Variants in POU6F2 observed in about 807,000 individuals in gnomAD.
POU6F2 encodes POU class 6 homeobox 2.
A neutral mutation model predicts 71.3 loss-of-function variants in POU6F2; 31 were observed. The observed-to-expected ratio is 0.43, with a 90% CI of 0.33 to 0.59. The LOEUF is 0.59. Among genes scored for constraint, POU6F2 ranks in the 20% least tolerant of loss-of-function variants. The pLI, the probability that POU6F2 is intolerant of heterozygous loss-of-function variation, is 0.04. For synonymous variants in POU6F2, 347 were observed against 355.7 expected (o/e 0.98, Z 0.27); for missense variants, 783 against 856.8 (o/e 0.91, Z 1.07).
rs372930893 is a variant in POU6F2, at chr7:39,242,545, T to G, written c.598+34925T>G. ...AAGTGTCTAAAAAGAAAGGCTTTTT[T>G]GGGGGGGGTCATGATATGGTAAAAT... is the stretch of plus-strand genomic sequence containing the variant. On this transcript the variant is annotated intron_variant, in intron 4 of 9. Transcript: ENST00000518318. Among the ~76,000 whole-genome samples, 431 of 151,674 alleles carry G rather than the reference T, an allele frequency of 2.8e-3. 1 individual carries two copies. The highest frequency in any genetic ancestry group is 9.6e-3 in the African/African-American group (396 of 41,354).
At chr7:39,084,198 G>A (rs763817215) in intron 1 of POU6F2, among the ~76,000 whole-genome samples, 1 of 151,820 alleles carries the variant, frequency 6.6e-6, no homozygotes, top group Non-Finnish European at 1.5e-5. Context: ...CCTATTATAA[G>A]CCACCATTTT....
chr7:39,182,703 GTATTCCCC>G (rs1221688601), intron 2 of POU6F2, among the ~76,000 whole-genome samples: 6 of 151,986 alleles, frequency 3.9e-5, no homozygotes, highest in Non-Finnish European at 8.8e-5. Context: ...GTAAACCATT[GTATTCCCC>G]AGAATTGCAT....
chr7:39,432,176 A>G (rs1258462435), intron 6 of POU6F2, among the ~76,000 whole-genome samples: 2 of 152,056 alleles, frequency 1.3e-5, no homozygotes, highest in African/African-American at 4.8e-5. Flanking sequence ...TTGGCACAGT[A>G]ATTGGATCTG....
chr7:39,244,132 G>T (rs1018736439), intron 4 of POU6F2, among the ~76,000 whole-genome samples: 3 of 149,884 alleles, frequency 2.0e-5, no homozygotes, highest in East Asian at 2.0e-4. Context: ...TAGAAAAAGA[G>T]AAATTCAATT....
At chr7:39,271,593 C>G (rs561801557) in intron 4 of POU6F2, among the ~76,000 whole-genome samples, 4 of 151,684 alleles carry the variant, frequency 2.6e-5, no homozygotes, top group African/African-American at 9.7e-5. Flanking sequence ...AGAAGTGGTT[C>G]TGGCAGCTGT....
intron 7 of POU6F2, among the ~76,000 whole-genome samples, chr7:39,443,728 G>A (rs889513948): frequency 1.3e-5 from 2 of 152,110 alleles, no homozygotes; most frequent in African/African-American, 4.8e-5. Flanking sequence ...AGCTCAAAAG[G>A]TATAAGGATA....
At chr7:39,338,192 T>A (rs544111413) in intron 4 of POU6F2, among the ~76,000 whole-genome samples, 47 of 152,208 alleles carry the variant, frequency 3.1e-4, no homozygotes, top group African/African-American at 1.1e-3. Flanking sequence ...GAGATCAGGC[T>A]CCCCTGCCCC....
At chr7:39,213,480 C>T (rs1794183641) in intron 4 of POU6F2, among the ~76,000 whole-genome samples, 5 of 152,198 alleles carry the variant, frequency 3.3e-5, no homozygotes, top group Admixed American at 3.3e-4. Flanking sequence ...TTGATAATTG[C>T]ATCCACCCAT....
intron 4 of POU6F2, among the ~76,000 whole-genome samples, chr7:39,298,941 G>A (rs1338147962): frequency 6.6e-6 from 1 of 152,154 alleles, no homozygotes; most frequent in Non-Finnish European, 1.5e-5. Context: ...TCACTTGTAA[G>A]TGGGAGTTGA....
intron 2 of POU6F2, among the ~76,000 whole-genome samples, chr7:39,147,727 A>T (rs1792652064): frequency 6.6e-6 from 1 of 152,122 alleles, no homozygotes; most frequent in East Asian, 1.9e-4. Flanking sequence ...TGCTCTGGAA[A>T]TTTCAGAGGA....
chr7:39,295,063 A>G (rs1467475926), intron 4 of POU6F2, among the ~76,000 whole-genome samples: 1 of 152,196 alleles, frequency 6.6e-6, no homozygotes, highest in Admixed American at 6.5e-5. Context: ...CGGTCATGCC[A>G]TGAACTACTC....
At chr7:39,278,260 C>T (rs562603978) in intron 4 of POU6F2, among the ~76,000 whole-genome samples, 18 of 152,212 alleles carry the variant, frequency 1.2e-4, no homozygotes, top group African/African-American at 4.3e-4. Flanking sequence ...ACTTTGGCAT[C>T]ACTGTGATCA....
In POU6F2 at chr7:39,090,152, G is replaced by A. The variant is rs141936285; in HGVS notation, c.277+4121G>A. 9.2e-5 allele frequency among the ~76,000 whole-genome samples: 14 copies of A among 152,180 alleles called. No individual in the cohort carries two copies. The East Asian group carries it at 2.7e-3, about 29-fold the overall frequency. On this transcript the variant is annotated intron_variant, in intron 2 of 9. Coordinates refer to ENST00000518318, the MANE Select transcript of POU6F2 (RefSeq NM_001370959.1). ...ACTTGTAAGAGTGGGTATTTTCAATGCCATTTATCTGTGAGCTGTTGAAAA... is the reference window on the plus strand; with the variant it reads ...ACTTGTAAGAGTGGGTATTTTCAATACCATTTATCTGTGAGCTGTTGAAAA...
intron 2 of POU6F2, among the ~76,000 whole-genome samples, chr7:39,186,405 C>T (rs1311099581): frequency 5.3e-5 from 8 of 152,198 alleles, no homozygotes; most frequent in Admixed American, 5.2e-4. Context: ...CACTACCTCC[C>T]TGGTGGCTGT....
chr7:39,443,827 A>G (rs2116083065), intron 7 of POU6F2, among the ~76,000 whole-genome samples: 1 of 152,380 alleles, frequency 6.6e-6, no homozygotes, highest in East Asian at 1.9e-4. Flanking sequence ...GATTTCTGTC[A>G]CACATTAGAG....
intron 2 of POU6F2, among the ~76,000 whole-genome samples, chr7:39,095,349 A>G (rs1791433067): frequency 6.6e-6 from 1 of 152,150 alleles, no homozygotes; most frequent in Non-Finnish European, 1.5e-5. Context: ...GTAATTTTCT[A>G]ACAAGCCAAC....
At chr7:39,301,128 G>T (rs1314601151) in intron 4 of POU6F2, among the ~76,000 whole-genome samples, 1 of 152,076 alleles carries the variant, frequency 6.6e-6, no homozygotes, top group Non-Finnish European at 1.5e-5. Flanking sequence ...TTTTTCAGTG[G>T]CTATTTAATA....
intron 4 of POU6F2, among the ~76,000 whole-genome samples, chr7:39,241,543 C>T (rs922956949): frequency 1.3e-5 from 2 of 151,926 alleles, no homozygotes; most frequent in African/African-American, 4.8e-5. Context: ...GAAGGCATTT[C>T]ATTTGTGGGG....
intron 4 of POU6F2, among the ~76,000 whole-genome samples, chr7:39,329,305 A>G (rs1785586194): frequency 6.7e-6 from 1 of 150,358 alleles, no homozygotes; most frequent in African/African-American, 2.4e-5. Flanking sequence ...ATGAGACAGA[A>G]AGCAAGCCAA....
Sources: gnomAD v4.1 joint callset for allele counts (sites outside exome capture counted in the v4.1 genomes callset) on GRCh38, gnomAD v4.1.1 for gene constraint, MANE v1.5 for transcripts, NCBI Gene and HGNC (gene_info 2026-07-23, HGNC 2026-07-21) for gene names.